P2RY10: variants seen among roughly 807,000 people sequenced by gnomAD.
P2RY10 encodes the protein P2Y receptor family member 10.
In P2RY10, 4 loss-of-function variants were observed where a neutral mutation model predicts 12.1. The ratio of observed to expected loss-of-function variants is 0.33; its 90% CI spans 0.16 to 0.76. The LOEUF is 0.76. Among genes scored for constraint, P2RY10 ranks in the 30% least tolerant of loss-of-function variants. The probability of loss-of-function intolerance (pLI) is 0.61; values close to 1 mark genes in which losing one functional copy is unlikely to be tolerated. For missense variants in P2RY10, 233 were observed against 264.6 expected, an observed-to-expected ratio of 0.88 and a Z score of 0.83; for synonymous variants, 112 against 94.1, an observed-to-expected ratio of 1.19 and a Z score of -1.10.
intron 2 of P2RY10, 107 bp from the exon 3 acceptor site, chrX:78,952,086 G>A: frequency 3.3e-6 from 1 of 302,962 alleles, no homozygotes; most frequent in South Asian, 1.6e-4. Flanking sequence ...CCCTGCAAAG[G>A]AAATGATCTC....
chrX:78,957,383 CACACAGAGAG>C (rs1233362211), intron 3 of P2RY10, among the ~76,000 whole-genome samples: 5 of 97,720 alleles, frequency 5.1e-5, no homozygotes, highest in South Asian at 4.6e-4. Flanking sequence ...CACACACACA[CACACAGAGAG>C]AGAGAGAGAG....
intron 1 of P2RY10, among the ~76,000 whole-genome samples, chrX:78,946,177 T>A (rs989967148): frequency 1.8e-4 from 20 of 111,629 alleles, no homozygotes; most frequent in African/African-American, 6.5e-4. Flanking sequence ...CAGAGAATAC[T>A]GTAAATTTAT....
chrX:78,956,258 C>G (rs1365980220), intron 3 of P2RY10, among the ~76,000 whole-genome samples: 1 of 111,316 alleles, frequency 9.0e-6, no homozygotes, highest in East Asian at 2.8e-4. Flanking sequence ...TCTCAGGTCT[C>G]TACAGGTATT....
intron 2 of P2RY10, among the ~76,000 whole-genome samples, chrX:78,951,632 C>T (rs925018673): frequency 1.6e-4 from 18 of 111,252 alleles, no homozygotes; most frequent in African/African-American, 5.6e-4. Flanking sequence ...AAATATTGAC[C>T]TCTGAGTTGG....
At position 78,962,390 on chromosome X, in the gene P2RY10, C is replaced by T. The variant is rs1488544962; in HGVS notation, c.*850C>T. ...AACTTCAGAGAGGTTAAGCAATTTG[C>T]CTCAGGATCAACAGTGGTTAGCCAA... On this transcript the variant is annotated 3_prime_UTR_variant, in exon 4 of 4. Transcript: ENST00000171757. 2.7e-5 allele frequency among the ~76,000 whole-genome samples: 3 copies of T among 111,903 alleles called. No homozygotes were observed. Among genetic ancestry groups the T allele is most frequent in the African/African-American group, 6.5e-5 (2 of 30,788 alleles).
intron 3 of P2RY10, among the ~76,000 whole-genome samples, chrX:78,960,167 A>G (rs970603760): frequency 2.7e-5 from 3 of 112,374 alleles, no homozygotes; most frequent in Non-Finnish European, 5.6e-5. Context: ...TTTGGACAAG[A>G]CAAATTTGGA....
chrX:78,960,831 C>T lies in P2RY10; in HGVS notation c.311C>T (p.Ala104Val). The T allele has an allele frequency of 8.3e-7, 1 of 1,210,418 alleles. No individual in the cohort carries two copies. The highest frequency in any genetic ancestry group is 2.2e-5 in the Admixed American group (1 of 46,066). The change falls in exon 4 of 4, where the codon GCC (alanine) becomes GTC (valine). Residue 104 changes from alanine to valine, a missense_variant. Ala to Val is a moderately conservative substitution (Grantham distance 64). Coordinates refer to ENST00000171757, the MANE Select transcript of P2RY10 (RefSeq NM_014499.4). ...AGCCACCACTGGCCTTTCCAGAGAGCCCTTTGCCTGCTCTGCTTCTACCTG... is the reference window on the plus strand; with the variant it reads ...AGCCACCACTGGCCTTTCCAGAGAGTCCTTTGCCTGCTCTGCTTCTACCTG... ...YISHHWPFQR[A>V]LCLLCFYLKY...
intron 1 of P2RY10, among the ~76,000 whole-genome samples, chrX:78,947,298 A>T (rs1348406150): frequency 1.8e-5 from 2 of 112,133 alleles, no homozygotes; most frequent in Non-Finnish European, 3.8e-5. Context: ...AAAGCTGTTT[A>T]TAGTAAAATG....
intron 3 of P2RY10, 73 bp downstream of exon 3, chrX:78,952,408 T>C: frequency 1.7e-6 from 1 of 598,551 alleles, no homozygotes; most frequent in South Asian, 8.7e-5. Flanking sequence ...TCTTTCTGGG[T>C]AATTCAAAGC....
intron 3 of P2RY10, among the ~76,000 whole-genome samples, chrX:78,955,105 A>G (rs1447670594): frequency 8.9e-6 from 1 of 111,972 alleles, no homozygotes; most frequent in Non-Finnish European, 1.9e-5. Flanking sequence ...TAAATCCTAT[A>G]TGTTATCTTT....
In P2RY10 at chrX:78,945,446, C is replaced by A. The variant is rs1921786079; in HGVS notation, c.-255C>A. The A allele has an allele frequency of 9.0e-6, 1 of 111,656 alleles. No homozygotes were observed. The highest frequency in any genetic ancestry group is 1.9e-5 in the Non-Finnish European group (1 of 53,160). 9.2% of individuals were successfully genotyped at this position (111,656 alleles called of 1,213,427 possible). On this transcript the variant is annotated 5_prime_UTR_variant, in exon 1 of 4. Coordinates refer to ENST00000171757, the MANE Select transcript of P2RY10 (RefSeq NM_014499.4). ...TGCCGCCAGAGTAAAGCTTTCTACC[C>A]TTTACTCCCTGCAAAGAAACAAGAG...
intron 3 of P2RY10, among the ~76,000 whole-genome samples, chrX:78,956,335 C>T (rs969794145): frequency 5.4e-5 from 6 of 111,677 alleles, no homozygotes. Flanking sequence ...CAGAAGACAA[C>T]ATTTTAGGGA....
At chrX:78,947,130 G>A (rs933499653) in intron 1 of P2RY10, among the ~76,000 whole-genome samples, 9 of 110,298 alleles carry the variant, frequency 8.2e-5, no homozygotes, top group Admixed American at 3.9e-4. Flanking sequence ...CTGGAGAATC[G>A]CTCGAAACCG....
At chrX:78,954,338 A>T (rs2079234854) in intron 3 of P2RY10, among the ~76,000 whole-genome samples, 1 of 110,878 alleles carries the variant, frequency 9.0e-6, no homozygotes, top group Admixed American at 9.5e-5. Flanking sequence ...CCTTCCTTCA[A>T]TCATACCTCC....
At chrX:78,947,133 C>T (rs1372860848) in intron 1 of P2RY10, among the ~76,000 whole-genome samples, 7 of 109,730 alleles carry the variant, frequency 6.4e-5, no homozygotes, top group African/African-American at 2.3e-4. Context: ...GAGAATCGCT[C>T]GAAACCGAGA....
chrX:78,947,726 A>C (rs1921909808), intron 1 of P2RY10, 89 bp from the exon 2 acceptor site: 2 of 167,652 alleles, frequency 1.2e-5, no homozygotes, highest in African/African-American at 6.3e-5. Context: ...TAATAGGGAA[A>C]TCTATCTAGA....
chrX:78,948,546 T>C (rs1048093719), intron 2 of P2RY10, among the ~76,000 whole-genome samples: 5 of 111,471 alleles, frequency 4.5e-5, no homozygotes, highest in African/African-American at 1.6e-4. Flanking sequence ...AATTCTGAGA[T>C]TTTTAGTGCA....
At chrX:78,946,116 C>T (rs979850824) in intron 1 of P2RY10, among the ~76,000 whole-genome samples, 1 of 111,220 alleles carries the variant, frequency 9.0e-6, no homozygotes, top group Non-Finnish European at 1.9e-5. Flanking sequence ...GGATCTAGGA[C>T]CTGTGTCTTT....
At chrX:78,947,529 C>A (rs1921901060) in intron 1 of P2RY10, among the ~76,000 whole-genome samples, 1 of 111,934 alleles carries the variant, frequency 8.9e-6, no homozygotes, top group South Asian at 3.7e-4. Context: ...CAAGTTCTGC[C>A]AATGACTGGT....
Sources: allele counts gnomAD v4.1 joint callset (sites outside exome capture counted in the v4.1 genomes callset), GRCh38; gene constraint gnomAD v4.1.1; transcripts MANE v1.5; gene names NCBI Gene and HGNC (gene_info 2026-07-23, HGNC 2026-07-21).